Variants in PCDH11Y observed in about 807,000 individuals in gnomAD.
PCDH11Y encodes protocadherin-11 Y-linked.
For missense variants in PCDH11Y, 12 were observed against 224.8 expected, an observed-to-expected ratio of 0.05 and a Z score of 6.05; for synonymous variants, 9 against 83.6, an observed-to-expected ratio of 0.11 and a Z score of 4.87.
intron 2 of PCDH11Y, among the ~76,000 whole-genome samples, chrY:5,406,696 A>C: frequency 3.0e-5 from 1 of 33,554 alleles, no homozygotes; most frequent in Non-Finnish European, 7.4e-5. Flanking sequence ...ATACTTATGC[A>C]AGCTTTTCAT....
intron 2 of PCDH11Y, among the ~76,000 whole-genome samples, chrY:5,111,259 G>A: frequency 6.2e-5 from 2 of 32,518 alleles, no homozygotes; most frequent in Non-Finnish European, 1.5e-4. Context: ...CACCACACCC[G>A]GCTAATTTTT....
intron 2 of PCDH11Y, among the ~76,000 whole-genome samples, chrY:5,389,657 C>T: frequency 3.2e-5 from 1 of 31,129 alleles, no homozygotes; most frequent in Non-Finnish European, 7.7e-5. Context: ...CAGGTCTTTC[C>T]TGCACTGTTC....
chrY:5,535,225 CTTTTTTT>C (rs1602939534), intron 3 of PCDH11Y, among the ~76,000 whole-genome samples: 1 of 23,493 alleles, frequency 4.3e-5, no homozygotes, highest in African/African-American at 1.6e-4. Flanking sequence ...TTTCTTTTTT[CTTTTTTT>C]TTTTTTTTAC....
chrY:5,553,592 G>C, intron 3 of PCDH11Y, among the ~76,000 whole-genome samples: 1 of 31,763 alleles, frequency 3.1e-5, no homozygotes, highest in Non-Finnish European at 7.7e-5. Flanking sequence ...CCCATGCATT[G>C]TGGGAGGACC....
At chrY:5,261,906 A>T (rs113440817) in intron 2 of PCDH11Y, among the ~76,000 whole-genome samples, 18 of 32,277 alleles carry the variant, frequency 5.6e-4, no homozygotes, top group African/African-American at 2.2e-3. Context: ...GGATGTTGGC[A>T]TCCAGCTTCA....
intron 3 of PCDH11Y, among the ~76,000 whole-genome samples, chrY:5,042,240 T>G (rs1602844205): frequency 6.4e-4 from 15 of 23,422 alleles, no homozygotes; most frequent in African/African-American, 2.4e-3. Flanking sequence ...TTTATGGTTT[T>G]AGGTCTAACG....
intron 2 of PCDH11Y, among the ~76,000 whole-genome samples, chrY:5,415,560 A>G (rs2124678934): frequency 1.0e-4 from 3 of 29,228 alleles, no homozygotes; most frequent in East Asian, 1.8e-3. Context: ...GTGGGGACCC[A>G]GGAGAGGTTA....
intron 2 of PCDH11Y, among the ~76,000 whole-genome samples, chrY:5,368,419 G>A (rs71201637): frequency 5.9e-5 from 2 of 33,988 alleles, no homozygotes; most frequent in African/African-American, 1.2e-4. Context: ...GGCGGAAGCC[G>A]CAAGCCTTGG....
intron 2 of PCDH11Y, among the ~76,000 whole-genome samples, chrY:5,279,015 A>G (rs2053047960): frequency 1.2e-4 from 4 of 33,460 alleles, no homozygotes; most frequent in African/African-American, 4.7e-4. Context: ...TCAAAACCTG[A>G]TAAATAAGAA....
intron 4 of PCDH11Y, among the ~76,000 whole-genome samples, chrY:5,612,937 C>T: frequency 3.6e-5 from 1 of 27,675 alleles, no homozygotes; most frequent in Non-Finnish European, 8.4e-5. Flanking sequence ...ATGATCTCGG[C>T]TCACTGCAAC....
chrY:5,476,637 G>A (rs2053319663), intron 2 of PCDH11Y, among the ~76,000 whole-genome samples: 1 of 33,064 alleles, frequency 3.0e-5, no homozygotes, highest in African/African-American at 1.2e-4. Context: ...TTGTCCTACT[G>A]GGAGGTTTTC....
intron 3 of PCDH11Y, among the ~76,000 whole-genome samples, chrY:5,569,607 C>T: frequency 3.0e-5 from 1 of 33,135 alleles, no homozygotes; most frequent in African/African-American, 1.2e-4. Context: ...AATATTGCTA[C>T]TTAGGGATCC....
chrY:5,722,997 CTATA>C (rs2053596211), intron 4 of PCDH11Y, among the ~76,000 whole-genome samples: 1 of 31,521 alleles, frequency 3.2e-5, no homozygotes, highest in African/African-American at 1.2e-4. Context: ...ACATATGCAT[CTATA>C]TATAAACAAT....
exon 5 of PCDH11Y, chrY:5,738,876 G>A: frequency 3.4e-5 from 1 of 29,334 alleles, no homozygotes; most frequent in Non-Finnish European, 8.2e-5. Context: ...TTAAAATATC[G>A]ACGGTAAACT....
intron 4 of PCDH11Y, among the ~76,000 whole-genome samples, chrY:5,710,417 A>G: frequency 9.2e-5 from 3 of 32,470 alleles, no homozygotes; most frequent in Admixed American, 8.3e-4. Context: ...GTGATCTGTA[A>G]AAATCACTGT....
At chrY:5,395,612 T>C in intron 2 of PCDH11Y, among the ~76,000 whole-genome samples, 10 of 32,656 alleles carry the variant, frequency 3.1e-4, no homozygotes, top group Admixed American at 2.8e-3. Flanking sequence ...TGAGAAAATA[T>C]AGTAGTAGTT....
At chrY:5,188,192 C>T in intron 2 of PCDH11Y, among the ~76,000 whole-genome samples, 1 of 33,334 alleles carries the variant, frequency 3.0e-5, no homozygotes, top group Non-Finnish European at 7.4e-5. Context: ...AGCCATTCAC[C>T]AAGTCTCTAG....
intron 2 of PCDH11Y, among the ~76,000 whole-genome samples, chrY:5,169,583 C>G: frequency 3.2e-5 from 1 of 31,566 alleles, no homozygotes; most frequent in Non-Finnish European, 7.9e-5. Flanking sequence ...ATGCTGAATC[C>G]TCTCCGTGGT....
chrY:5,375,438 T>C, intron 2 of PCDH11Y, among the ~76,000 whole-genome samples: 11 of 30,843 alleles, frequency 3.6e-4, no homozygotes, highest in Non-Finnish European at 8.6e-4. Context: ...TCAAACAAGT[T>C]ATTGATATAT....
Sources: gnomAD v4.1 joint callset for allele counts (sites outside exome capture counted in the v4.1 genomes callset) on GRCh38, gnomAD v4.1.1 for gene constraint, MANE v1.5 for transcripts, NCBI Gene and HGNC (gene_info 2026-07-23, HGNC 2026-07-21) for gene names.